REV3L: variants seen among roughly 807,000 people sequenced by gnomAD.
REV3L encodes the protein DNA polymerase zeta catalytic subunit.
Under a neutral mutation model 299.4 loss-of-function variants are expected in REV3L, and 69 were observed. That is an observed-to-expected ratio of 0.23 (90% CI 0.19 to 0.28). REV3L has a LOEUF of 0.28. Among genes scored for constraint, REV3L ranks in the 10% least tolerant of loss-of-function variants. The pLI is 1.00. For missense variants in REV3L, 3,128 were observed against 3,693.8 expected, an observed-to-expected ratio of 0.85 and a Z score of 3.97; for synonymous variants, 1,238 against 1,271.4, an observed-to-expected ratio of 0.97 and a Z score of 0.56.
chr6:111,388,679 TG>T (rs1781589654), intron 7 of REV3L, among the ~76,000 whole-genome samples: 1 of 152,178 alleles, frequency 6.6e-6, no homozygotes, highest in African/African-American at 2.4e-5. Flanking sequence ...AGAGCTTATA[TG>T]ACATACTCAG....
intron 1 of REV3L, among the ~76,000 whole-genome samples, chr6:111,451,905 A>T (rs1789593706): frequency 6.6e-6 from 1 of 152,146 alleles, no homozygotes; most frequent in Admixed American, 6.5e-5. Context: ...ACTCTTCAAA[A>T]GATACCACTA....
rs373229664 is a variant in REV3L at position 111,373,809 on chromosome 6, T to C, written c.4546A>G (p.Thr1516Ala). ...TGTCCTTCACCAAATGCTGAAGGTG[T>C]TGACACATTTCGATTTTTACACTGA... ...LSQCKNRNVS[T>A]PSAFGEGQSG... Residue 1516 changes from threonine (T) to alanine (A), a missense_variant, in exon 13 of 32, where the codon ACA becomes GCA. Around this residue, in one of 9 missense-constraint regions of REV3L, gnomAD observed 2,409 missense variants for 2,611.8 expected, o/e 0.92. Transcript: ENST00000368802. The C allele has an allele frequency of 2.3e-5, 37 of 1,614,076 alleles. No individual in the cohort carries two copies. Among genetic ancestry groups the C allele is most frequent in the Admixed American group, 3.3e-5 (2 of 60,002 alleles).
Position 111,483,094 on chromosome 6 carries a change from C to T in REV3L, c.-206G>A. 1 of 556,008 alleles carries T rather than the reference C, an allele frequency of 1.8e-6. No homozygotes were observed. Among genetic ancestry groups the T allele is most frequent in the Non-Finnish European group, 2.9e-6 (1 of 342,496 alleles). The allele number at this position is 556,008 out of a possible 1,614,324, so 34.4% of individuals were successfully genotyped here. ...CTCCTCAGGAGCACCCGGCAAGGGG[C>T]CGCAGGAGAGAAGCCCTCGAGCTTT... On this transcript the variant is annotated 5_prime_UTR_variant, in exon 1 of 32. Coordinates refer to ENST00000368802, the MANE Select transcript of REV3L (RefSeq NM_001372078.1).
At chr6:111,430,348 C>CA (rs1485682913) in intron 1 of REV3L, 41 of 1,180,304 alleles carry the variant, frequency 3.5e-5, no homozygotes, top group Non-Finnish European at 5.0e-5. Flanking sequence ...GATCATTAAA[C>CA]ACCCAATGGA....
At chr6:111,350,451 T>C (rs1333073539) in intron 19 of REV3L, among the ~76,000 whole-genome samples, 2 of 151,888 alleles carry the variant, frequency 1.3e-5, no homozygotes, top group Non-Finnish European at 2.9e-5. Flanking sequence ...GACAAGGATA[T>C]TTAAAACCTA....
rs1226567515 is a variant in REV3L at position 111,376,723 on chromosome 6, G to T, written c.1632C>A (p.His544Gln). 1 of 1,597,724 alleles carries T rather than the reference G, an allele frequency of 6.3e-7. No homozygotes were observed. Among genetic ancestry groups the T allele is most frequent in the Admixed American group, 1.7e-5 (1 of 58,890 alleles). ...NPLNNENSRTHSSVIATSKLS... is the reference protein window; with the variant it reads ...NPLNNENSRTQSSVIATSKLS... ...GCTTGCTTGTTGCAATTACAGAAGA[G>T]TGGGTTCTAGAATTTTCATTGTTCA... is the stretch of plus-strand genomic sequence containing the variant. The change falls in exon 13 of 32, where the codon CAC becomes CAA. Residue 544 changes from histidine (H) to glutamine (Q), a missense_variant. Physicochemically the swap from His to Gln is conservative, Grantham distance 24. Transcript: ENST00000368802.
Position 111,300,158 on chromosome 6 carries a change from TGAAAGCA to T in REV3L, c.9253-9_9253-3del. On this transcript the variant is annotated splice_region_variant and splice_polypyrimidine_tract_variant and intron_variant, in intron 31 of 31. Coordinates refer to ENST00000368802, the MANE Select transcript of REV3L (RefSeq NM_001372078.1). ...GCAACCTGTACAGTTCTTGCATATC[TGAAAGCA>T]TAAGAGAAATACAAAAAATAATAGG... 1 of 1,569,452 alleles carries T rather than the reference TGAAAGCA, an allele frequency of 6.4e-7. No homozygotes were observed. The highest frequency in any genetic ancestry group is 8.6e-7 in the Non-Finnish European group (1 of 1,162,948).
chr6:111,360,902 A>G (rs1056740828), intron 16 of REV3L, among the ~76,000 whole-genome samples: 3 of 152,158 alleles, frequency 2.0e-5, no homozygotes, highest in Admixed American at 2.0e-4. Flanking sequence ...AAATATTAGT[A>G]TTAAAAAAAA....
At chr6:111,357,152 T>C in intron 17 of REV3L, 27 bp from the exon 18 acceptor site, 1 of 828,068 alleles carries the variant, frequency 1.2e-6, no homozygotes, top group Non-Finnish European at 1.8e-6. Flanking sequence ...ATGTCTATTA[T>C]ATATAACATT....
intron 20 of REV3L, among the ~76,000 whole-genome samples, chr6:111,345,388 A>C (rs1354045182): frequency 6.6e-6 from 1 of 152,188 alleles, no homozygotes; most frequent in Non-Finnish European, 1.5e-5. Flanking sequence ...TGCAGTACTA[A>C]ATTCCAGAGG....
intron 1 of REV3L, among the ~76,000 whole-genome samples, chr6:111,422,643 T>TAC (rs1444519612): frequency 4.0e-5 from 1 of 25,128 alleles, no homozygotes; most frequent in Non-Finnish European, 1.7e-4. Flanking sequence ...CATATATATA[T>TAC]ATATACATAT....
chr6:111,316,807 CTT>C (rs1773581329), intron 26 of REV3L, among the ~76,000 whole-genome samples: 1 of 151,962 alleles, frequency 6.6e-6, no homozygotes, highest in Non-Finnish European at 1.5e-5. Context: ...ATTACAAACA[CTT>C]TGTGTATATC....
intron 1 of REV3L, among the ~76,000 whole-genome samples, chr6:111,463,245 T>C (rs1045797510): frequency 6.6e-6 from 1 of 152,218 alleles, no homozygotes; most frequent in African/African-American, 2.4e-5. Flanking sequence ...ATTATTACCA[T>C]AAGCAATGGT....
At position 111,300,100 on chromosome 6, in the gene REV3L, G is replaced by A. The variant is rs756460908; in HGVS notation, c.9309C>T (p.Asn3103=). Residue 3103 remains asparagine, a synonymous_variant, in exon 32 of 32, where the codon AAC becomes AAT. Transcript: ENST00000368802. ...FDRHIPCVSL[N]CPVLFKLSRV... ...GGGAGAGTTTGAAAAGTACTGGGCA[G>A]TTCAGAGAAACACATGGGATGTGTC... 3.7e-6 allele frequency: 6 copies of A among 1,613,068 alleles called. No individual in the cohort carries two copies. The highest frequency in any genetic ancestry group is 5.1e-6 in the Non-Finnish European group (6 of 1,179,478).
intron 22 of REV3L, among the ~76,000 whole-genome samples, chr6:111,334,948 G>A (rs1441359686): frequency 2.0e-5 from 3 of 152,050 alleles, no homozygotes; most frequent in African/African-American, 7.2e-5. Context: ...ATACATATTT[G>A]TTGAATATAT....
At chr6:111,322,764 T>A in intron 25 of REV3L, 86 bp from the exon 26 acceptor site, 1 of 887,622 alleles carries the variant, frequency 1.1e-6, no homozygotes, top group Non-Finnish European at 1.8e-6. Context: ...ATTTAATTAC[T>A]AAATATTTCC....
rs537714735 is a variant in REV3L at position 111,419,043 on chromosome 6, T to C, written c.140-2571A>G. 4.3e-4 allele frequency among the ~76,000 whole-genome samples: 65 copies of C among 152,270 alleles called. No individual in the cohort carries two copies. In the Middle Eastern group the frequency reaches 0.01, roughly 24 times the overall value. ...CATCAGGGTTAGAGGAGGACATGGG[T>C]GTGTGGGGTTGAGAAGGATCCCCAA... On this transcript the variant is annotated intron_variant, in intron 1 of 31. Coordinates refer to ENST00000368802, the MANE Select transcript of REV3L (RefSeq NM_001372078.1).
intron 1 of REV3L, among the ~76,000 whole-genome samples, chr6:111,434,675 T>G (rs1215060986): frequency 1.4e-5 from 2 of 139,720 alleles, no homozygotes; most frequent in African/African-American, 5.4e-5. Context: ...AAAATCAACA[T>G]ACAAAAATCA....
rs190907231 is a variant in REV3L at position 111,349,371 on chromosome 6, C to T, written c.7301-35G>A. ...TGAAAACAGACTGTATCAGGGCTCA[C>T]AGAAAACAAACTTTCAATAAAATTA... On this transcript the variant is annotated intron_variant, in intron 19 of 31. Transcript: ENST00000368802. 4.5e-4 allele frequency: 458 copies of T among 1,010,980 alleles called. 1 individual carries two copies. The African/African-American group carries it at 6.9e-3, about 15-fold the overall frequency. 62.6% of individuals were successfully genotyped at this position (1,010,980 alleles called of 1,614,324 possible). A position where few individuals can be genotyped will look rare whatever the true frequency, so the allele number is the denominator to read the frequency against.
Sources: gnomAD v4.1 joint callset for allele counts (sites outside exome capture counted in the v4.1 genomes callset) on GRCh38, gnomAD v4.1.1 for gene constraint, gnomAD v4.1.1 regional missense constraint, MANE v1.5 for transcripts, NCBI Gene and HGNC (gene_info 2026-07-23, HGNC 2026-07-21) for gene names.